AKAP13: variants seen among roughly 807,000 people sequenced by gnomAD.
The protein encoded by AKAP13 is A-kinase anchor protein 13.
Under a neutral mutation model 264.5 loss-of-function variants are expected in AKAP13, and 80 were observed. The observed-to-expected ratio is 0.30, with a 90% confidence interval of 0.25 to 0.36. The LOEUF (loss-of-function observed/expected upper bound fraction) is 0.36. Ranked by LOEUF, AKAP13 falls within the 10% of genes least tolerant of loss-of-function variation. The probability of loss-of-function intolerance (pLI) is 1.00; values close to 1 mark genes in which losing one functional copy is unlikely to be tolerated. For missense variants in AKAP13, 3,712 were observed against 3,435.2 expected, an observed-to-expected ratio of 1.08 and a Z score of -2.01; for synonymous variants, 1,380 against 1,250.2, an observed-to-expected ratio of 1.10 and a Z score of -2.19.
intron 3 of AKAP13, among the ~76,000 whole-genome samples, chr15:85,531,386 T>C (rs1314483335): frequency 6.6e-6 from 1 of 152,242 alleles, no homozygotes; most frequent in Non-Finnish European, 1.5e-5. Flanking sequence ...CTTACTTTAC[T>C]CATCTTCACC....
chr15:85,427,071 T>A (rs2072819271), intron 1 of AKAP13, among the ~76,000 whole-genome samples: 3 of 149,070 alleles, frequency 2.0e-5, no homozygotes, highest in Admixed American at 1.4e-4. Context: ...TTCTCCTGCC[T>A]CAGCCTCCCG....
At chr15:85,401,994 C>T (rs1004648479) in intron 1 of AKAP13, among the ~76,000 whole-genome samples, 11 of 152,178 alleles carry the variant, frequency 7.2e-5, no homozygotes, top group African/African-American at 2.4e-4. Flanking sequence ...TGAACAGACA[C>T]TGGATTAGGA....
chr15:85,610,303 C>G lies in AKAP13; in HGVS notation c.4161+24480C>G, dbSNP rs528441851. On this transcript the variant is annotated intron_variant, in intron 8 of 36. Coordinates refer to ENST00000394518, the MANE Select transcript of AKAP13 (RefSeq NM_007200.5). Reference sequence around the variant, plus strand: ...AGGAGTTTCTCACTTGTTGCCTCTTCCCTTCTTTTTCCATTTCCTTTCCAA... The same window carrying G: ...AGGAGTTTCTCACTTGTTGCCTCTTGCCTTCTTTTTCCATTTCCTTTCCAA... Among the ~76,000 whole-genome samples, 8 of 152,288 alleles carry G rather than the reference C, an allele frequency of 5.3e-5. No individual in the cohort carries two copies. The East Asian group carries it at 1.5e-3, about 29-fold the overall frequency.
intron 8 of AKAP13, among the ~76,000 whole-genome samples, chr15:85,613,691 A>AAAAAAATATATATATATATAT (rs1313187436): frequency 1.5e-4 from 14 of 91,962 alleles, no homozygotes; most frequent in African/African-American, 4.6e-4. Context: ...AAAAAAAAAA[A>AAAAAAATATATATATATATAT]ATATATATAT....
In AKAP13 at chr15:85,743,684, A is replaced by G. The variant is rs771151390; in HGVS notation, c.8251A>G (p.Ser2751Gly). 2.5e-5 allele frequency: 40 copies of G among 1,614,094 alleles called. No homozygotes were observed. In the South Asian group the frequency reaches 2.6e-4, roughly 11 times the overall value. ...KGPFHILSST[S>G]QTNKGPEGQS... is the part of the protein sequence containing the mutation. ...GCCTTTTCACATACTGAGTTCAACC[A>G]GCCAGACAAACAAAGGACCAGAAGG... The change falls in exon 36 of 37, where the codon AGC (serine) becomes GGC (glycine). Residue 2751 changes from serine to glycine, a missense_variant. Ser to Gly is a moderately conservative substitution (Grantham distance 56). This residue lies in a region of AKAP13 where 611 missense variants were observed against 539.3 expected (regional missense o/e 1.13). Transcript: ENST00000394518.
At chr15:85,696,802 G>C (rs1358734208) in intron 17 of AKAP13, among the ~76,000 whole-genome samples, 1 of 152,198 alleles carries the variant, frequency 6.6e-6, no homozygotes, top group Non-Finnish European at 1.5e-5. Context: ...CCCTCATTTG[G>C]GGTCAAGATA....
chr15:85,435,211 AAGGGT>A (rs1426872838), intron 1 of AKAP13, among the ~76,000 whole-genome samples: 110 of 150,176 alleles, frequency 7.3e-4, no homozygotes, highest in African/African-American at 2.5e-3. Context: ...AACTGGAAGA[AAGGGT>A]ATCAGCAATG....
chr15:85,575,602 G>A (rs1280145269), intron 6 of AKAP13, among the ~76,000 whole-genome samples: 1 of 151,868 alleles, frequency 6.6e-6, no homozygotes, highest in Non-Finnish European at 1.5e-5. Context: ...TGAGGCAGGA[G>A]AATGGCGTGA....
chr15:85,712,345 C>T (rs11637126), intron 19 of AKAP13, among the ~76,000 whole-genome samples: 48,042 of 152,070 alleles, frequency 0.32, 8,072 homozygotes, highest in Middle Eastern at 0.5. Context: ...GGAGCTTCTC[C>T]AGGTTGATAC....
rs1291233786 is a variant in AKAP13 at position 85,743,813 on chromosome 15, T to G, written c.8380T>G (p.Ser2794Ala). The change falls in exon 36 of 37, where the codon TCT becomes GCT. Residue 2794 changes from serine (S) to alanine (A), a missense_variant. Around this residue, in one of 3 missense-constraint regions of AKAP13, gnomAD observed 611 missense variants for 539.3 expected, o/e 1.13. Transcript: ENST00000394518. ...EKKKKNKTSR[S>A]QPGDGPASEV... ...AAAAAAGAAGAACAAAACCAGCCGC[T>G]CTCAGCCCGGTGGTGAGTCACGCAC... 3.7e-6 allele frequency: 6 copies of G among 1,610,108 alleles called. No homozygotes were observed. Among genetic ancestry groups the G allele is most frequent in the Non-Finnish European group, 5.1e-6 (6 of 1,178,408 alleles).
intron 1 of AKAP13, among the ~76,000 whole-genome samples, chr15:85,389,345 T>G (rs2070742186): frequency 6.6e-6 from 1 of 152,236 alleles, no homozygotes; most frequent in African/African-American, 2.4e-5. Context: ...CACCATGGTC[T>G]AGAAGGTACC....
intron 6 of AKAP13, 79 bp from the exon 7 acceptor site, chr15:85,578,851 A>G (rs887201355): frequency 1.2e-4 from 163 of 1,393,088 alleles, no homozygotes; most frequent in Admixed American, 3.8e-4. Context: ...GTTCTGTCCA[A>G]CAGAATTTTT....
Position 85,580,633 on chromosome 15 carries a change from G to C in AKAP13, c.2565G>C (p.Glu855Asp), listed in dbSNP as rs767260937. ...TGTCCACATCCTCCACTGCTGCAGA[G>C]CTTCAGCACGGGATGGGGAATACCA... The part of the protein sequence containing the change: ...VGLSTSSTAA[E>D]LQHGMGNTSL... The change falls in exon 7 of 37, where the codon GAG becomes GAC. Residue 855 changes from glutamate to aspartate, a missense_variant. Coordinates refer to ENST00000394518, the MANE Select transcript of AKAP13 (RefSeq NM_007200.5). The C allele has an allele frequency of 6.8e-6, 11 of 1,614,228 alleles. No homozygotes were observed. Among genetic ancestry groups the C allele is most frequent in the Middle Eastern group, 1.6e-4 (1 of 6,062 alleles).
intron 1 of AKAP13, among the ~76,000 whole-genome samples, chr15:85,479,526 C>T (rs1250772723): frequency 1.3e-5 from 2 of 152,214 alleles, no homozygotes; most frequent in South Asian, 4.1e-4. Context: ...GAGTCCCAGA[C>T]AGCTGCTGTC....
At chr15:85,505,794 G>A (rs2076203458) in intron 2 of AKAP13, among the ~76,000 whole-genome samples, 1 of 152,164 alleles carries the variant, frequency 6.6e-6, no homozygotes, top group African/African-American at 2.4e-5. Flanking sequence ...TGCTGAGACA[G>A]ATATAGGAAA....
intron 1 of AKAP13, among the ~76,000 whole-genome samples, chr15:85,417,167 T>C (rs2072279741): frequency 6.6e-6 from 1 of 152,196 alleles, no homozygotes. Context: ...TTGTTTGATA[T>C]TAAGTTTTGG....
chr15:85,619,793 C>A, intron 8 of AKAP13: 1 of 1,120,898 alleles, frequency 8.9e-7, no homozygotes, highest in Non-Finnish European at 1.1e-6. Flanking sequence ...TCAAGATCTG[C>A]ACAAAGTATA....
intron 1 of AKAP13, among the ~76,000 whole-genome samples, chr15:85,484,405 G>A (rs2075459565): frequency 6.6e-6 from 1 of 152,228 alleles, no homozygotes; most frequent in Admixed American, 6.5e-5. Flanking sequence ...AGGAAGGAAA[G>A]AGTGCCCTGA....
In AKAP13 at chr15:85,743,791, A is replaced by AAAG; in HGVS notation, c.8364_8366dup (p.Lys2788dup). 6.2e-7 allele frequency: 1 copy of AAAG among 1,612,438 alleles called. No individual in the cohort carries two copies. Among genetic ancestry groups the AAAG allele is most frequent in the Non-Finnish European group, 8.5e-7 (1 of 1,179,416 alleles). On this transcript the variant is annotated inframe_insertion, in exon 36 of 37. Coordinates refer to ENST00000394518, the MANE Select transcript of AKAP13 (RefSeq NM_007200.5). ...AGCCAAAGGAAAAGAAGGAGAAAAA[A>AAAG]AAGAAGAACAAAACCAGCCGCTCTC...
Sources: gnomAD v4.1 joint callset for allele counts (sites outside exome capture counted in the v4.1 genomes callset) on GRCh38, gnomAD v4.1.1 for gene constraint, gnomAD v4.1.1 regional missense constraint, MANE v1.5 for transcripts, NCBI Gene and HGNC (gene_info 2026-07-23, HGNC 2026-07-21) for gene names.